SIM1: variants seen among roughly 807,000 people sequenced by gnomAD.
SIM1 encodes single-minded homolog 1.
A neutral mutation model predicts 78.2 loss-of-function variants in SIM1; 18 were observed. The observed-to-expected ratio is 0.23, with a 90% CI of 0.16 to 0.34. The LOEUF (loss-of-function observed/expected upper bound fraction) is 0.34. Among genes scored for constraint, SIM1 ranks in the 10% least tolerant of loss-of-function variants. The probability of loss-of-function intolerance (pLI) is 1.00; values close to 1 mark genes in which losing one functional copy is unlikely to be tolerated. For missense variants in SIM1, 939 were observed against 975.1 expected (o/e 0.96, Z 0.49); for synonymous variants, 417 against 385.2 (o/e 1.08, Z -0.97).
chr6:100,393,806 C>A lies in SIM1; in HGVS notation c.1251G>T (p.Pro417=). ...GCCTATCGGCGGGGTCCAGAAGCTG[C>A]GGAGAGGCCGTGTCGGTCAAGGGAC... ...GGSPLTDTAS[P]QLLDPADRPG... The change falls in exon 11 of 12, where the codon CCG becomes CCT. Residue 417 remains proline, a synonymous_variant. Coordinates refer to ENST00000369208, the MANE Select transcript of SIM1 (RefSeq NM_005068.3). 2 of 1,613,358 alleles carry A rather than the reference C, an allele frequency of 1.2e-6. No individual in the cohort carries two copies. Among genetic ancestry groups the A allele is most frequent in the East Asian group, 2.2e-5 (1 of 44,860 alleles).
chr6:100,456,933 C>G (rs1252788940), intron 2 of SIM1, among the ~76,000 whole-genome samples: 3 of 152,088 alleles, frequency 2.0e-5, no homozygotes, highest in African/African-American at 7.3e-5. Flanking sequence ...AACAAGAAAC[C>G]AATTAGTAAC....
chr6:100,393,748 T>G lies in SIM1; in HGVS notation c.1309A>C (p.Arg437=). Reference sequence around the variant, plus strand: ...AGAGAGCTGCGGTCCGAAAACTGTCTGTAGGCGCACGATGCGTCGTGCTGG... The same window carrying G: ...AGAGAGCTGCGGTCCGAAAACTGTCGGTAGGCGCACGATGCGTCGTGCTGG... ...GSQHDASCAY[R]QFSDRSSLCY... is the part of the protein sequence containing the mutation. Residue 437 remains arginine, a synonymous_variant, in exon 11 of 12, where the codon AGA becomes CGA. Coordinates refer to ENST00000369208, the MANE Select transcript of SIM1 (RefSeq NM_005068.3). The G allele has an allele frequency of 6.2e-7, 1 of 1,614,212 alleles. No individual in the cohort carries two copies. Among genetic ancestry groups the G allele is most frequent in the African/African-American group, 1.3e-5 (1 of 75,064 alleles).
intron 2 of SIM1, among the ~76,000 whole-genome samples, chr6:100,461,521 G>A (rs75438351): frequency 6.6e-6 from 1 of 152,324 alleles, no homozygotes; most frequent in East Asian, 1.9e-4. Flanking sequence ...TGATCAAACA[G>A]CGAGCGACAT....
chr6:100,398,374 T>C (rs1037959674), intron 10 of SIM1, among the ~76,000 whole-genome samples: 5 of 152,112 alleles, frequency 3.3e-5, no homozygotes, highest in Admixed American at 2.6e-4. Flanking sequence ...ACCATTCATT[T>C]CCAGAACTCT....
intron 3 of SIM1, among the ~76,000 whole-genome samples, chr6:100,452,535 G>T (rs1049671129): frequency 6.6e-6 from 1 of 152,208 alleles, no homozygotes; most frequent in East Asian, 1.9e-4. Context: ...AGGGATGAGG[G>T]AGTAAATGGG....
At chr6:100,450,103 G>A (rs1017424301) in intron 4 of SIM1, among the ~76,000 whole-genome samples, 164 bp downstream of exon 4, 5 of 152,142 alleles carry the variant, frequency 3.3e-5, no homozygotes, top group African/African-American at 1.2e-4. Flanking sequence ...AAGGGAAGTG[G>A]AGAAATGGAG....
Position 100,389,355 on chromosome 6 carries a change from C to T in SIM1, c.*1006G>A, listed in dbSNP as rs1349488505. ...ACATTGGCACATATGTGCTTTGAAACGTTTTCAAACACTTAACACTGCTGT... is the reference window on the plus strand; with the variant it reads ...ACATTGGCACATATGTGCTTTGAAATGTTTTCAAACACTTAACACTGCTGT... On this transcript the variant is annotated 3_prime_UTR_variant, in exon 12 of 12. Transcript: ENST00000369208. 1.1e-5 allele frequency: 4 copies of T among 356,208 alleles called. No individual in the cohort carries two copies. Among genetic ancestry groups the T allele is most frequent in the East Asian group, 8.1e-5 (2 of 24,576 alleles). The allele number at this position is 356,208 out of a possible 1,614,324, so 22.1% of individuals were successfully genotyped here.
chr6:100,448,321 G>T, intron 7 of SIM1, 69 bp from the exon 8 acceptor site: 3 of 1,405,942 alleles, frequency 2.1e-6, no homozygotes, highest in Non-Finnish European at 2.0e-6. Context: ...ACACACCCTC[G>T]ACAGCCGTCT....
chr6:100,399,028 G>C (rs1440561821), intron 10 of SIM1, among the ~76,000 whole-genome samples: 2 of 151,772 alleles, frequency 1.3e-5, no homozygotes, highest in Non-Finnish European at 2.9e-5. Context: ...GTTTTGATTT[G>C]CATTTCTCTA....
intron 9 of SIM1, among the ~76,000 whole-genome samples, chr6:100,436,750 T>C (rs1477599066): frequency 6.6e-6 from 1 of 151,078 alleles, no homozygotes; most frequent in Non-Finnish European, 1.5e-5. Context: ...GTATTTTTTT[T>C]TTTTTTTGAG....
chr6:100,454,900 T>A (rs1383238973), intron 2 of SIM1, among the ~76,000 whole-genome samples: 1 of 152,236 alleles, frequency 6.6e-6, no homozygotes, highest in Non-Finnish European at 1.5e-5. Context: ...ATAGTGCTGC[T>A]GCTAAAATTA....
chr6:100,429,966 A>G (rs1439437617), intron 9 of SIM1, among the ~76,000 whole-genome samples: 3 of 152,116 alleles, frequency 2.0e-5, no homozygotes, highest in Admixed American at 2.0e-4. Context: ...TGATCTGTTT[A>G]CCACCGTTCC....
At chr6:100,436,600 G>A (rs1772057272) in intron 9 of SIM1, among the ~76,000 whole-genome samples, 1 of 152,100 alleles carries the variant, frequency 6.6e-6, no homozygotes, top group East Asian at 1.9e-4. Context: ...CTTTGTGTTG[G>A]GCACAGGGCC....
At chr6:100,453,091 T>C (rs1032426930) in intron 3 of SIM1, among the ~76,000 whole-genome samples, 2 of 152,210 alleles carry the variant, frequency 1.3e-5, no homozygotes, top group African/African-American at 4.8e-5. Flanking sequence ...ATTTAAAATA[T>C]TTGTTCTGTG....
chr6:100,412,753 AAAAAG>A (rs1332076280), intron 10 of SIM1, among the ~76,000 whole-genome samples: 3 of 132,942 alleles, frequency 2.3e-5, no homozygotes, highest in African/African-American at 8.1e-5. Flanking sequence ...GAAAGAAAGA[AAAAAG>A]AAAAGAAAAA....
intron 9 of SIM1, among the ~76,000 whole-genome samples, chr6:100,446,925 C>T (rs189971335): frequency 5.3e-4 from 80 of 152,304 alleles, no homozygotes; most frequent in South Asian, 2.1e-3. Context: ...TAAATGCCTC[C>T]GTACTTAGAT....
intron 1 of SIM1, among the ~76,000 whole-genome samples, chr6:100,464,373 A>G (rs2114563699): frequency 6.6e-6 from 1 of 152,258 alleles, no homozygotes; most frequent in African/African-American, 2.4e-5. Flanking sequence ...AGTCTGAGGG[A>G]TTCCTCAAAA....
chr6:100,391,667 A>T (rs1419921205), intron 11 of SIM1, among the ~76,000 whole-genome samples: 1 of 152,210 alleles, frequency 6.6e-6, no homozygotes, highest in African/African-American at 2.4e-5. Context: ...ATAAAGCTCT[A>T]ATGTTCATTT....
intron 9 of SIM1, among the ~76,000 whole-genome samples, chr6:100,440,957 C>T (rs1299458543): frequency 6.6e-6 from 1 of 151,820 alleles, no homozygotes; most frequent in Non-Finnish European, 1.5e-5. Flanking sequence ...TCAAGTAAAG[C>T]CTCCCTTGAA....
Sources: gnomAD v4.1 joint callset for allele counts (sites outside exome capture counted in the v4.1 genomes callset) on GRCh38, gnomAD v4.1.1 for gene constraint, MANE v1.5 for transcripts, NCBI Gene and HGNC (gene_info 2026-07-23, HGNC 2026-07-21) for gene names.